SKIC8: variants seen among roughly 807,000 people sequenced by gnomAD.
SKIC8 encodes the protein superkiller complex protein 8.
At chr15:78,286,664 T>G in the SKIC8 span, 6 of 152,452 alleles carry the variant, frequency 3.9e-5, no homozygotes, top group Admixed American at 2.0e-4. Context: ...CTATTTTCAC[T>G]TTTTTAATAA....
the SKIC8 span, chr15:78,283,727 C>T: frequency 2.5e-6 from 1 of 397,954 alleles, no homozygotes; most frequent in Non-Finnish European, 4.3e-6. Context: ...CCTTCCCATA[C>T]TCCAAAAAAA....
At chr15:78,284,216 A>G in the SKIC8 span, 1 of 152,090 alleles carries the variant, frequency 6.6e-6, no homozygotes. Flanking sequence ...GGGCTGCATG[A>G]TGGCCTTTCA....
chr15:78,289,359 G>T, the SKIC8 span, among the ~76,000 whole-genome samples: 1 of 152,104 alleles, frequency 6.6e-6, no homozygotes, highest in Non-Finnish European at 1.5e-5. Flanking sequence ...GTTACAGTGA[G>T]CTATGATCAC....
the SKIC8 span, chr15:78,286,433 G>A: frequency 3.8e-5 from 10 of 260,642 alleles, no homozygotes; most frequent in South Asian, 1.1e-4. Context: ...CAGAGGCTTC[G>A]CAAGCCAACC....
the SKIC8 span, chr15:78,290,387 C>G: frequency 3.2e-6 from 1 of 310,436 alleles, no homozygotes; most frequent in South Asian, 7.2e-5. Flanking sequence ...CTTTGAAAAC[C>G]AGTTTGACAG....
At chr15:78,286,057 T>G in the SKIC8 span, 1 of 1,612,572 alleles carries the variant, frequency 6.2e-7, no homozygotes, top group Non-Finnish European at 8.5e-7. Context: ...ACAAAGTGAG[T>G]GTCATCAGGA....
the SKIC8 span, chr15:78,295,505 T>G: frequency 1.3e-6 from 1 of 795,392 alleles, no homozygotes; most frequent in Non-Finnish European, 2.2e-6. Context: ...TATTTGCATT[T>G]CACTAGTCCC....
the SKIC8 span, chr15:78,285,052 G>A: frequency 1.8e-6 from 1 of 558,460 alleles, no homozygotes; most frequent in South Asian, 2.5e-5. Context: ...TGCCTCGTGA[G>A]TTGCTAGGCT....
the SKIC8 span, among the ~76,000 whole-genome samples, chr15:78,296,205 A>G: frequency 2.0e-5 from 3 of 152,162 alleles, no homozygotes; most frequent in Admixed American, 6.5e-5. Flanking sequence ...CAAGAGATTG[A>G]GAACATCCTG....
chr15:78,285,417 C>G, the SKIC8 span: 11 of 1,306,548 alleles, frequency 8.4e-6, no homozygotes, highest in Non-Finnish European at 1.2e-5. Context: ...GACTTACATT[C>G]TTCTAACTTC....
chr15:78,295,888 G>A, the SKIC8 span: 6 of 501,244 alleles, frequency 1.2e-5, no homozygotes, highest in East Asian at 1.2e-4. Flanking sequence ...CTCCCTACCA[G>A]GTGGTATGGT....
At chr15:78,290,078 AAGGCCAAAGTCC>A in the SKIC8 span, 1 of 1,614,094 alleles carries the variant, frequency 6.2e-7, no homozygotes, top group Non-Finnish European at 8.5e-7. Flanking sequence ...ATCAGGAGAA[AAGGCCAAAGTCC>A]AGGCATCCAC....
the SKIC8 span, chr15:78,293,344 A>G: frequency 1.5e-6 from 2 of 1,324,834 alleles, no homozygotes; most frequent in East Asian, 4.7e-5. Flanking sequence ...ACTGTTCAAC[A>G]ATTGTGAGGT....
chr15:78,285,717 A>G, the SKIC8 span: 2 of 420,684 alleles, frequency 4.8e-6, no homozygotes, highest in East Asian at 7.7e-5. Flanking sequence ...CCTGACCAAC[A>G]CTGGGATCTA....
chr15:78,295,065 G>A, the SKIC8 span: 2 of 1,464,414 alleles, frequency 1.4e-6, no homozygotes, highest in Non-Finnish European at 1.9e-6. Flanking sequence ...AGTAGACAGA[G>A]TCACCACAGT....
the SKIC8 span, chr15:78,283,730 C>CAAA: frequency 3.1e-5 from 10 of 317,540 alleles, no homozygotes; most frequent in South Asian, 8.2e-5. Flanking sequence ...TCCCATACTC[C>CAAA]AAAAAAAAAA....
the SKIC8 span, chr15:78,294,698 A>T: frequency 3.8e-4 from 161 of 426,654 alleles, no homozygotes; most frequent in African/African-American, 3.0e-3. Flanking sequence ...AGGTGGAAAA[A>T]TTTTCCTCAG....
chr15:78,288,730 C>G, the SKIC8 span: 2 of 346,594 alleles, frequency 5.8e-6, no homozygotes, highest in Admixed American at 8.8e-5. Flanking sequence ...CTATCAAATC[C>G]TTTATTATAG....
At chr15:78,290,461 T>C in the SKIC8 span, 5 of 181,308 alleles carry the variant, frequency 2.8e-5, no homozygotes, top group East Asian at 1.5e-4. Flanking sequence ...TGAAAACATA[T>C]GTCCACACAA....
Sources: gnomAD v4.1 joint callset for allele counts (sites outside exome capture counted in the v4.1 genomes callset) on GRCh38, gnomAD v4.1.1 for gene constraint, MANE v1.5 for transcripts, NCBI Gene and HGNC (gene_info 2026-07-23, HGNC 2026-07-21) for gene names.